The following FGF13 variants were observed in gnomAD, a reference collection of about 807,000 sequenced individuals.
FGF13 encodes fibroblast growth factor homologous factor 2.
In FGF13, 2 loss-of-function variants were observed where a neutral mutation model predicts 19.5. The observed-to-expected ratio is 0.10, with a 90% CI of 0.04 to 0.32. FGF13 has a LOEUF of 0.32. Ranked by LOEUF, FGF13 falls within the 10% of genes least tolerant of loss-of-function variation. FGF13 has a pLI of 1.00. For missense variants in FGF13, 113 were observed against 192.7 expected, an observed-to-expected ratio of 0.59 and a Z score of 2.45; for synonymous variants, 72 against 76.9, an observed-to-expected ratio of 0.94 and a Z score of 0.33.
intron 1 of FGF13, among the ~76,000 whole-genome samples, chrX:139,009,452 T>G (rs2092118901): frequency 8.9e-6 from 1 of 111,968 alleles, no homozygotes; most frequent in Non-Finnish European, 1.9e-5. Flanking sequence ...AACGCAGATT[T>G]CTCAGCAGAA....
chrX:138,944,717 G>C (rs2091774112), intron 1 of FGF13, among the ~76,000 whole-genome samples: 1 of 110,990 alleles, frequency 9.0e-6, no homozygotes, highest in Non-Finnish European at 1.9e-5. Context: ...ATAGATCATA[G>C]GATGCATCTT....
At chrX:139,070,061 A>G (rs906181997) in intron 1 of FGF13, among the ~76,000 whole-genome samples, 2 of 112,275 alleles carry the variant, frequency 1.8e-5, no homozygotes, top group South Asian at 7.4e-4. Context: ...CATTCAGGAC[A>G]TAGGCATGGG....
intron 1 of FGF13, among the ~76,000 whole-genome samples, chrX:138,721,678 A>G (rs1284428277): frequency 9.1e-6 from 1 of 110,128 alleles, no homozygotes; most frequent in East Asian, 2.9e-4. Flanking sequence ...TGCTTCACTG[A>G]TCCCCTCTTT....
chrX:138,841,129 C>T, intron 3 of FGF13, among the ~76,000 whole-genome samples: 1 of 110,934 alleles, frequency 9.0e-6, no homozygotes, highest in Non-Finnish European at 1.9e-5. Context: ...TTAGCTAATT[C>T]GATCATATTA....
chrX:138,800,693 C>T (rs746931505), intron 3 of FGF13, among the ~76,000 whole-genome samples: 29 of 111,925 alleles, frequency 2.6e-4, no homozygotes, highest in South Asian at 1.5e-3. Context: ...CCATTCTCCC[C>T]GTCACTTTCA....
chrX:139,103,516 TG>T (rs767969408), intron 1 of FGF13, among the ~76,000 whole-genome samples: 18 of 111,367 alleles, frequency 1.6e-4, no homozygotes, highest in African/African-American at 5.9e-4. Context: ...TTAGGGCTGG[TG>T]GGGAGGGAAG....
chrX:138,965,683 T>C (rs1161898722), intron 1 of FGF13, among the ~76,000 whole-genome samples: 1 of 108,901 alleles, frequency 9.2e-6, no homozygotes, highest in Non-Finnish European at 1.9e-5. Context: ...AAATGAAATG[T>C]CCCTTGTTCC....
chrX:138,775,123 T>G (rs970849948), intron 3 of FGF13, among the ~76,000 whole-genome samples: 1 of 111,827 alleles, frequency 8.9e-6, no homozygotes, highest in African/African-American at 3.3e-5. Flanking sequence ...TCACGCTGGC[T>G]TATTTTTGTA....
chrX:139,170,097 C>T (rs1170352055), intron 1 of FGF13, among the ~76,000 whole-genome samples: 2 of 111,445 alleles, frequency 1.8e-5, no homozygotes, highest in Non-Finnish European at 3.8e-5. Flanking sequence ...CGTAAGATTT[C>T]CTTTGAAACA....
intron 1 of FGF13, among the ~76,000 whole-genome samples, chrX:139,003,652 C>T (rs900711851): frequency 9.0e-6 from 1 of 110,662 alleles, no homozygotes; most frequent in Admixed American, 9.6e-5. Context: ...TTCTCCAAGG[C>T]CTCACCAGAG....
chrX:139,016,264 G>C (rs994293724), intron 1 of FGF13, among the ~76,000 whole-genome samples: 1 of 111,622 alleles, frequency 9.0e-6, no homozygotes, highest in Non-Finnish European at 1.9e-5. Flanking sequence ...ATCTGTTTGC[G>C]CTTTATATGT....
In FGF13 at chrX:138,625,458, T is replaced by TTATATATATATACGTATATATATATAA. The variant is rs2089049145; in HGVS notation, c.*7391_*7392insTTATATATATATACGTATATATATATA. 1.1e-5 allele frequency: 1 copy of TTATATATATATACGTATATATATATAA among 93,770 alleles called. No homozygotes were observed. The highest frequency in any genetic ancestry group is 1.4e-4 in the Admixed American group (1 of 6,997). The allele number at this position is 93,770 out of a possible 1,213,427, so 7.7% of individuals were successfully genotyped here. ...CGGACAGATGAATGAAGAAAGAAAA[T>TTATATATATATACGTATATATATATAA]TATATATATATACATATATATATAT... On this transcript the variant is annotated 3_prime_UTR_variant, in exon 5 of 5. Transcript: ENST00000315930.
At chrX:139,125,467 G>T (rs773512953) in intron 1 of FGF13, among the ~76,000 whole-genome samples, 16 of 111,978 alleles carry the variant, frequency 1.4e-4, no homozygotes, top group African/African-American at 5.2e-4. Context: ...GTATAATCTG[G>T]AAGAGTTCCC....
intron 1 of FGF13, among the ~76,000 whole-genome samples, chrX:139,163,728 A>G: frequency 9.0e-6 from 1 of 111,060 alleles, no homozygotes; most frequent in Non-Finnish European, 1.9e-5. Flanking sequence ...CACCACTACT[A>G]TCACCACCAC....
chrX:139,109,492 G>T (rs185422722), intron 1 of FGF13, among the ~76,000 whole-genome samples: 19 of 111,786 alleles, frequency 1.7e-4, no homozygotes, highest in Non-Finnish European at 3.6e-4. Flanking sequence ...GCATGCCCTA[G>T]ATGTCATTCT....
chrX:139,129,826 T>G (rs766652783), intron 1 of FGF13, among the ~76,000 whole-genome samples: 1 of 111,601 alleles, frequency 9.0e-6, no homozygotes, highest in South Asian at 3.8e-4. Context: ...TTTCTCACTG[T>G]GACCACTCCT....
intron 1 of FGF13, among the ~76,000 whole-genome samples, chrX:139,160,605 G>A (rs972699793): frequency 1.8e-5 from 2 of 111,042 alleles, no homozygotes; most frequent in African/African-American, 3.3e-5. Flanking sequence ...TCAGACTGAC[G>A]AATAAAGAAG....
chrX:138,764,581 A>G (rs192506787), intron 3 of FGF13, among the ~76,000 whole-genome samples: 2 of 112,486 alleles, frequency 1.8e-5, no homozygotes, highest in East Asian at 5.6e-4. Flanking sequence ...GTGAAATTCG[A>G]ATGTCAAGGT....
At chrX:139,041,192 A>T (rs909281396) in intron 1 of FGF13, among the ~76,000 whole-genome samples, 2 of 110,180 alleles carry the variant, frequency 1.8e-5, no homozygotes, top group African/African-American at 6.7e-5. Flanking sequence ...CATTCTACAC[A>T]TGTACCCCTG....
Sources: gnomAD v4.1 joint callset for allele counts (sites outside exome capture counted in the v4.1 genomes callset) on GRCh38, gnomAD v4.1.1 for gene constraint, MANE v1.5 for transcripts, NCBI Gene and HGNC (gene_info 2026-07-23, HGNC 2026-07-21) for gene names.